Variants in OLA1 observed in about 807,000 individuals in gnomAD.
OLA1 encodes obg-like ATPase 1.
A neutral mutation model predicts 48.4 loss-of-function variants in OLA1; 14 were observed. That is an observed-to-expected ratio of 0.29 (90% CI 0.19 to 0.45). The LOEUF is 0.45. Among genes scored for constraint, OLA1 ranks in the 20% least tolerant of loss-of-function variants. OLA1 has a pLI of 1.00. For missense variants in OLA1, 325 were observed against 467.1 expected (o/e 0.70, Z 2.80); for synonymous variants, 127 against 150.4 (o/e 0.84, Z 1.14).
intron 4 of OLA1, among the ~76,000 whole-genome samples, chr2:174,174,315 A>C (rs1239996276): frequency 6.6e-6 from 1 of 152,034 alleles, no homozygotes; most frequent in East Asian, 1.9e-4. Context: ...TCAAAAGCAC[A>C]CAGGTTTATT....
chr2:174,157,458 T>C (rs902476349), intron 4 of OLA1, among the ~76,000 whole-genome samples: 2 of 152,210 alleles, frequency 1.3e-5, no homozygotes, highest in Non-Finnish European at 2.9e-5. Flanking sequence ...TTAAAAGTTA[T>C]ACTAAGAGTC....
intron 5 of OLA1, among the ~76,000 whole-genome samples, chr2:174,134,515 C>G (rs754023497): frequency 1.3e-5 from 2 of 152,056 alleles, no homozygotes; most frequent in Non-Finnish European, 2.9e-5. Flanking sequence ...ACTCCACTAC[C>G]CTCTCTTGCC....
At chr2:174,242,902 C>G (rs1316054190) in intron 2 of OLA1, among the ~76,000 whole-genome samples, 2 of 152,224 alleles carry the variant, frequency 1.3e-5, no homozygotes, top group African/African-American at 4.8e-5. Context: ...CATATTCTTT[C>G]TACTTCATTA....
At chr2:174,155,711 T>C (rs1686860371) in intron 4 of OLA1, among the ~76,000 whole-genome samples, 1 of 151,920 alleles carries the variant, frequency 6.6e-6, no homozygotes. Context: ...CTACATACTA[T>C]AACTAAGACC....
At position 174,080,814 on chromosome 2, in the gene OLA1, G is replaced by A. The variant is rs1574469271; in HGVS notation, c.966+338C>T. On this transcript the variant is annotated intron_variant, in intron 9 of 10. Transcript: ENST00000284719. ...AAACTTAGCGAATACAAAATGAAAA[G>A]CAACATCAATTTCACTGCAGACAAA... The A allele has an allele frequency of 2.1e-5, 4 of 191,320 alleles. No individual in the cohort carries two copies. In the East Asian group the frequency reaches 4.7e-4, roughly 23 times the overall value. 11.9% of individuals were successfully genotyped at this position (191,320 alleles called of 1,614,324 possible).
intron 4 of OLA1, among the ~76,000 whole-genome samples, chr2:174,184,405 A>G (rs746649591): frequency 6.6e-6 from 1 of 152,210 alleles, no homozygotes; most frequent in Non-Finnish European, 1.5e-5. Flanking sequence ...GGAAGATACC[A>G]GATGAGCCCA....
At chr2:174,078,232 A>G (rs995944188) in intron 10 of OLA1, among the ~76,000 whole-genome samples, 4 of 152,044 alleles carry the variant, frequency 2.6e-5, no homozygotes, top group East Asian at 1.9e-4. Flanking sequence ...AACATTTACT[A>G]TAGTAGTCTT....
chr2:174,190,188 G>A lies in OLA1; in HGVS notation c.373+32845C>T, dbSNP rs745909341. Among the ~76,000 whole-genome samples the A allele has an allele frequency of 3.3e-5, 5 of 152,248 alleles. No homozygotes were observed. The East Asian group carries it at 5.8e-4, about 18-fold the overall frequency. On this transcript the variant is annotated intron_variant, in intron 4 of 10. Coordinates refer to ENST00000284719, the MANE Select transcript of OLA1 (RefSeq NM_013341.5). ...ACTAGTAAAAATAAATGCTGTGGGCGTGAGGAGGGACATGGTAGATACAGA... is the reference window on the plus strand; with the variant it reads ...ACTAGTAAAAATAAATGCTGTGGGCATGAGGAGGGACATGGTAGATACAGA...
chr2:174,184,206 T>C (rs1314204445), intron 4 of OLA1, among the ~76,000 whole-genome samples: 1 of 152,042 alleles, frequency 6.6e-6, no homozygotes, highest in Non-Finnish European at 1.5e-5. Context: ...TTATCCTGCT[T>C]CCAAAAGAAA....
Position 174,189,712 on chromosome 2 carries a change from A to G in OLA1, c.373+33321T>C, listed in dbSNP as rs567870040. On this transcript the variant is annotated intron_variant, in intron 4 of 10. Transcript: ENST00000284719. ...AAATGGTATAACTCCTAAATGGGAA[A>G]CTTGAATATCTACCATAATTACTGA... Among the ~76,000 whole-genome samples, 3 of 152,298 alleles carry G rather than the reference A, an allele frequency of 2.0e-5. No homozygotes were observed. The East Asian group carries it at 5.8e-4, about 29-fold the overall frequency.
intron 5 of OLA1, among the ~76,000 whole-genome samples, chr2:174,130,487 G>T (rs1053593331): frequency 6.6e-6 from 1 of 152,156 alleles, no homozygotes; most frequent in Admixed American, 6.5e-5. Flanking sequence ...ACCACCCCCA[G>T]AATATAATGT....
At chr2:174,244,855 C>T (rs1377868354) in intron 2 of OLA1, among the ~76,000 whole-genome samples, 2 of 152,080 alleles carry the variant, frequency 1.3e-5, no homozygotes, top group Non-Finnish European at 2.9e-5. Flanking sequence ...TGGTTTCAAG[C>T]TCCTGACCTC....
At chr2:174,177,310 A>C (rs933851448) in intron 4 of OLA1, among the ~76,000 whole-genome samples, 1 of 152,164 alleles carries the variant, frequency 6.6e-6, no homozygotes, top group African/African-American at 2.4e-5. Context: ...AGAATTCAAA[A>C]TATTTCGACC....
chr2:174,144,406 A>C (rs1348628731), intron 4 of OLA1, among the ~76,000 whole-genome samples: 1 of 152,138 alleles, frequency 6.6e-6, no homozygotes, highest in Non-Finnish European at 1.5e-5. Context: ...TATTAAGATA[A>C]AAATTAAGTA....
At chr2:174,204,767 T>C (rs942651136) in intron 4 of OLA1, among the ~76,000 whole-genome samples, 1 of 152,118 alleles carries the variant, frequency 6.6e-6, no homozygotes, top group African/African-American at 2.4e-5. Flanking sequence ...GAAATAGATA[T>C]ACAGTAGAGG....
intron 4 of OLA1, among the ~76,000 whole-genome samples, chr2:174,166,890 T>A (rs932897925): frequency 1.8e-4 from 28 of 152,176 alleles, no homozygotes; most frequent in African/African-American, 6.8e-4. Flanking sequence ...AGGGGCCTTC[T>A]TTATGGGAAA....
At chr2:174,151,762 A>G (rs1415007942) in intron 4 of OLA1, among the ~76,000 whole-genome samples, 1 of 152,320 alleles carries the variant, frequency 6.6e-6, no homozygotes, top group East Asian at 1.9e-4. Context: ...TAATATCTAT[A>G]GTTTTATTAA....
chr2:174,198,712 C>G (rs1450712081), intron 4 of OLA1, among the ~76,000 whole-genome samples: 1 of 152,152 alleles, frequency 6.6e-6, no homozygotes, highest in Non-Finnish European at 1.5e-5. Context: ...ACCTGGGAGG[C>G]AGACGTTGCA....
chr2:174,187,805 G>C (rs112334073), intron 4 of OLA1, among the ~76,000 whole-genome samples: 4 of 152,294 alleles, frequency 2.6e-5, no homozygotes, highest in African/African-American at 7.2e-5. Flanking sequence ...TTCAAAAGGA[G>C]TTTAGCATGA....
Sources: gnomAD v4.1 joint callset for allele counts (sites outside exome capture counted in the v4.1 genomes callset) on GRCh38, gnomAD v4.1.1 for gene constraint, MANE v1.5 for transcripts, NCBI Gene and HGNC (gene_info 2026-07-23, HGNC 2026-07-21) for gene names.